The following PHF21B variants were observed in gnomAD, a reference collection of about 807,000 sequenced individuals.
PHF21B encodes the protein PHD finger protein 4.
In PHF21B, 22 loss-of-function variants were observed where a neutral mutation model predicts 62.2. The ratio of observed to expected loss-of-function variants is 0.35; its 90% CI spans 0.25 to 0.51. PHF21B has a LOEUF of 0.51. Among genes scored for constraint, PHF21B ranks in the 20% least tolerant of loss-of-function variants. PHF21B has a pLI of 0.97. For missense variants in PHF21B, 701 were observed against 707.9 expected, an observed-to-expected ratio of 0.99 and a Z score of 0.11; for synonymous variants, 341 against 314.7, an observed-to-expected ratio of 1.08 and a Z score of -0.88.
At chr22:44,940,196 T>C (rs778754855) in intron 2 of PHF21B, among the ~76,000 whole-genome samples, 19 of 152,302 alleles carry the variant, frequency 1.2e-4, no homozygotes, top group Non-Finnish European at 2.5e-4. Context: ...GCACCTCCTC[T>C]TGGCAAGAGG....
chr22:44,913,540 A>G (rs1469364012), intron 5 of PHF21B, among the ~76,000 whole-genome samples: 1 of 152,226 alleles, frequency 6.6e-6, no homozygotes, highest in East Asian at 1.9e-4. Flanking sequence ...TCACGGTCAC[A>G]CCACTGGAAA....
At chr22:44,948,897 T>C (rs888423712) in intron 2 of PHF21B, among the ~76,000 whole-genome samples, 7 of 152,228 alleles carry the variant, frequency 4.6e-5, no homozygotes, top group Admixed American at 3.3e-4. Flanking sequence ...GATCCTCTTC[T>C]AGCACAGACA....
chr22:44,899,488 A>G (rs1283878240), intron 5 of PHF21B, among the ~76,000 whole-genome samples: 1 of 151,746 alleles, frequency 6.6e-6, no homozygotes, highest in South Asian at 2.1e-4. Flanking sequence ...ACGGGGTTTC[A>G]CCATGTTGGC....
chr22:44,934,674 A>G (rs1359858012), intron 2 of PHF21B, among the ~76,000 whole-genome samples: 5 of 152,176 alleles, frequency 3.3e-5, no homozygotes, highest in African/African-American at 1.2e-4. Context: ...ACGTGGGCCC[A>G]TAACTGGAGG....
At chr22:44,963,962 T>C (rs2072474802) in intron 2 of PHF21B, among the ~76,000 whole-genome samples, 2 of 152,344 alleles carry the variant, frequency 1.3e-5, no homozygotes, top group South Asian at 4.1e-4. Context: ...CTCAGGGTCA[T>C]CTTTGGAAGG....
intron 2 of PHF21B, among the ~76,000 whole-genome samples, chr22:44,949,026 G>T (rs1458807495): frequency 6.6e-6 from 1 of 152,176 alleles, no homozygotes; most frequent in Non-Finnish European, 1.5e-5. Flanking sequence ...GTAGGGGCCG[G>T]GCGCGGTGGC....
At chr22:44,899,648 CCTCCTCTCCTTCCTT>C (rs1456786440) in intron 5 of PHF21B, among the ~76,000 whole-genome samples, 3 of 151,546 alleles carry the variant, frequency 2.0e-5, no homozygotes, top group African/African-American at 7.3e-5. Flanking sequence ...TTCTTCTCCT[CCTCCTCTCCTTCCTT>C]CTCCTCTTCT....
At chr22:44,982,927 G>A (rs1398262243) in intron 2 of PHF21B, among the ~76,000 whole-genome samples, 1 of 152,136 alleles carries the variant, frequency 6.6e-6, no homozygotes, top group Non-Finnish European at 1.5e-5. Context: ...TGCTCCCCAA[G>A]ACAGAATCTG....
At position 44,913,837 on chromosome 22, in the gene PHF21B, G is replaced by C. The variant is rs2071386415; in HGVS notation, c.816C>G (p.Thr272=). ...CCTGTCCTACCTCGGGGTTCTCCTGGGTCGGGGGCCGGTCTTCCTTCTTCT... is the reference window on the plus strand; with the variant it reads ...CCTGTCCTACCTCGGGGTTCTCCTGCGTCGGGGGCCGGTCTTCCTTCTTCT... ...TKKKKEDRPP[T]QENPEKIAFM... Residue 272 remains threonine, a synonymous_variant, in exon 5 of 13, where the codon ACC becomes ACG. Transcript: ENST00000313237. The C allele has an allele frequency of 3.7e-6, 6 of 1,613,420 alleles. No homozygotes were observed. Among genetic ancestry groups the C allele is most frequent in the Admixed American group, 1.7e-5 (1 of 59,978 alleles).
At chr22:44,997,042 G>A (rs747592750) in intron 2 of PHF21B, among the ~76,000 whole-genome samples, 5 of 152,076 alleles carry the variant, frequency 3.3e-5, no homozygotes, top group African/African-American at 7.2e-5. Flanking sequence ...TCTCCCCCCC[G>A]AGTCTCTGAG....
intron 2 of PHF21B, among the ~76,000 whole-genome samples, chr22:44,995,720 G>A (rs2073108811): frequency 2.6e-5 from 4 of 152,134 alleles, no homozygotes; most frequent in African/African-American, 7.2e-5. Flanking sequence ...CACTCGGTAT[G>A]TCGGCACCTT....
intron 12 of PHF21B, among the ~76,000 whole-genome samples, chr22:44,884,123 CATG>C (rs1261502784): frequency 5.1e-5 from 4 of 77,682 alleles, no homozygotes; most frequent in Non-Finnish European, 1.3e-4. Flanking sequence ...CCATCACCAT[CATG>C]ATCACCATTA....
At chr22:44,953,597 C>A (rs59229201) in intron 2 of PHF21B, among the ~76,000 whole-genome samples, 4 of 151,954 alleles carry the variant, frequency 2.6e-5, no homozygotes, top group Non-Finnish European at 4.4e-5. Flanking sequence ...CAGTGGGGGA[C>A]TGGAGAGGGA....
chr22:44,996,170 G>A (rs921141867), intron 2 of PHF21B, among the ~76,000 whole-genome samples: 8 of 152,142 alleles, frequency 5.3e-5, no homozygotes, highest in South Asian at 2.1e-4. Context: ...TCTCTCCAGC[G>A]CCCAGCCCTC....
At chr22:44,956,956 G>C (rs2092663070) in intron 2 of PHF21B, among the ~76,000 whole-genome samples, 1 of 152,218 alleles carries the variant, frequency 6.6e-6, no homozygotes, top group African/African-American at 2.4e-5. Context: ...ACCAACCACA[G>C]GGAAAGAGGA....
chr22:44,961,220 G>A (rs557186133), intron 2 of PHF21B, among the ~76,000 whole-genome samples: 43 of 152,110 alleles, frequency 2.8e-4, no homozygotes, highest in Non-Finnish European at 5.6e-4. Context: ...CTCCCAAAGT[G>A]CTGGGATTAC....
At chr22:44,990,495 G>A (rs1251284095) in intron 2 of PHF21B, among the ~76,000 whole-genome samples, 2 of 152,240 alleles carry the variant, frequency 1.3e-5, no homozygotes, top group Non-Finnish European at 2.9e-5. Flanking sequence ...AAGGAAGGAA[G>A]TTCTGACGCA....
chr22:44,972,889 T>G (rs1037293288), intron 2 of PHF21B, among the ~76,000 whole-genome samples: 1 of 151,846 alleles, frequency 6.6e-6, no homozygotes, highest in African/African-American at 2.4e-5. Flanking sequence ...AAGGCCCAAG[T>G]AGGCCAAGGA....
chr22:44,883,590 ACT>A (rs1158846094), intron 12 of PHF21B, among the ~76,000 whole-genome samples: 3 of 151,432 alleles, frequency 2.0e-5, no homozygotes, highest in Non-Finnish European at 4.4e-5. Flanking sequence ...AGCTGCCCAC[ACT>A]CTTCCTCCTC....
Sources: allele counts gnomAD v4.1 joint callset (sites outside exome capture counted in the v4.1 genomes callset), GRCh38; gene constraint gnomAD v4.1.1; transcripts MANE v1.5; gene names NCBI Gene and HGNC (gene_info 2026-07-23, HGNC 2026-07-21).